The following CNTLN variants were observed in gnomAD, a reference collection of about 807,000 sequenced individuals.
The protein encoded by CNTLN is centlein.
A neutral mutation model predicts 180.0 loss-of-function variants in CNTLN; 212 were observed. That is an observed-to-expected ratio of 1.18 (90% CI 1.05 to 1.32). CNTLN has a LOEUF of 1.32. Among genes scored for constraint, CNTLN ranks in the 40% most tolerant of loss-of-function variants. The pLI is 0.00. For missense variants in CNTLN, 2,095 were observed against 1,610.9 expected, an observed-to-expected ratio of 1.30 and a Z score of -5.14; for synonymous variants, 722 against 563.1, an observed-to-expected ratio of 1.28 and a Z score of -3.99.
the CNTLN span, among the ~76,000 whole-genome samples, chr9:17,512,868 G>A: frequency 2.0e-4 from 31 of 152,286 alleles, no homozygotes; most frequent in East Asian, 6.0e-3. Flanking sequence ...CCAGGCTGGA[G>A]TGTGGTGGCG....
At chr9:17,269,139 G>T (rs1444258022) in intron 5 of CNTLN, among the ~76,000 whole-genome samples, 4 of 151,882 alleles carry the variant, frequency 2.6e-5, no homozygotes, top group Non-Finnish European at 5.9e-5. Flanking sequence ...CTCATGCTGG[G>T]AACTGTAGAC....
At chr9:17,412,554 C>T (rs1204580755) in intron 16 of CNTLN, among the ~76,000 whole-genome samples, 2 of 151,998 alleles carry the variant, frequency 1.3e-5, no homozygotes, top group South Asian at 4.1e-4. Flanking sequence ...TTTTTAATCA[C>T]TTTCAGGGCA....
chr9:17,181,234 GT>G (rs1821106063), intron 2 of CNTLN, among the ~76,000 whole-genome samples: 1 of 152,100 alleles, frequency 6.6e-6, no homozygotes, highest in Non-Finnish European at 1.5e-5. Context: ...TATTTTCCAT[GT>G]TGTTCATATT....
chr9:17,246,307 T>C (rs1477115540), intron 5 of CNTLN, among the ~76,000 whole-genome samples: 2 of 152,174 alleles, frequency 1.3e-5, no homozygotes, highest in Non-Finnish European at 2.9e-5. Flanking sequence ...CTCATAGAAA[T>C]ACTGCCTTGG....
chr9:17,518,000 C>T, the CNTLN span, among the ~76,000 whole-genome samples: 4 of 150,982 alleles, frequency 2.6e-5, no homozygotes, highest in African/African-American at 9.7e-5. Flanking sequence ...CACCTCCTAC[C>T]CCCACCTCCA....
chr9:17,409,234 A>T, intron 15 of CNTLN, 59 bp from the exon 16 acceptor site: 3 of 1,494,354 alleles, frequency 2.0e-6, no homozygotes, highest in Non-Finnish European at 2.8e-6. Context: ...TGAACTTAAG[A>T]CAAGTACATG....
chr9:17,355,835 C>T (rs978813351), intron 12 of CNTLN, among the ~76,000 whole-genome samples: 6 of 152,000 alleles, frequency 3.9e-5, no homozygotes, highest in African/African-American at 9.7e-5. Context: ...GAGGCTGAGG[C>T]GGGTGGATCA....
chr9:17,328,097 T>G (rs895911368), intron 8 of CNTLN, among the ~76,000 whole-genome samples: 2 of 152,188 alleles, frequency 1.3e-5, no homozygotes, highest in Admixed American at 1.3e-4. Context: ...TTTTGTACCT[T>G]ATGCATGTTT....
At chr9:17,354,585 AC>A (rs1420430177) in intron 12 of CNTLN, among the ~76,000 whole-genome samples, 5 of 152,042 alleles carry the variant, frequency 3.3e-5, no homozygotes, top group African/African-American at 7.2e-5. Context: ...GCCTTGGAGA[AC>A]CTGTGTGTGG....
At chr9:17,509,444 T>C in the CNTLN span, among the ~76,000 whole-genome samples, 1 of 152,188 alleles carries the variant, frequency 6.6e-6, no homozygotes, top group Non-Finnish European at 1.5e-5. Context: ...CACCATGGCA[T>C]TGCACACAGC....
At chr9:17,427,193 G>T (rs1467439058) in intron 18 of CNTLN, among the ~76,000 whole-genome samples, 1 of 152,004 alleles carries the variant, frequency 6.6e-6, no homozygotes, top group Admixed American at 6.6e-5. Context: ...CATGCAGCAG[G>T]TGCTACCGAA....
intron 12 of CNTLN, among the ~76,000 whole-genome samples, chr9:17,348,050 C>T (rs1247085134): frequency 1.3e-5 from 2 of 152,004 alleles, no homozygotes; most frequent in South Asian, 2.1e-4. Flanking sequence ...AGTCTGGTAT[C>T]GAACTCCTGA....
chr9:17,434,126 T>C (rs1020524863), intron 18 of CNTLN, among the ~76,000 whole-genome samples: 9 of 152,188 alleles, frequency 5.9e-5, no homozygotes, highest in African/African-American at 2.2e-4. Flanking sequence ...TAAGAGGATT[T>C]GTGTCTTCTT....
chr9:17,240,966 C>T (rs1190325608), intron 5 of CNTLN, among the ~76,000 whole-genome samples: 5 of 152,162 alleles, frequency 3.3e-5, no homozygotes, highest in African/African-American at 1.2e-4. Context: ...TCATGCCATT[C>T]TCCTGCCTCA....
chr9:17,472,516 T>G (rs1488006283), intron 23 of CNTLN, among the ~76,000 whole-genome samples: 1 of 152,110 alleles, frequency 6.6e-6, no homozygotes, highest in Non-Finnish European at 1.5e-5. Context: ...CATCCTCACT[T>G]CCAATGATTA....
chr9:17,397,760 C>G (rs1455926108), intron 15 of CNTLN, among the ~76,000 whole-genome samples: 2 of 152,112 alleles, frequency 1.3e-5, no homozygotes, highest in East Asian at 3.9e-4. Context: ...CACAAGGTCA[C>G]ATACTTTGAG....
chr9:17,185,770 T>TG (rs1821392592), intron 2 of CNTLN, among the ~76,000 whole-genome samples: 1 of 145,246 alleles, frequency 6.9e-6, no homozygotes. Context: ...ATGTTTCCCA[T>TG]TTGTGTGTGT....
intron 6 of CNTLN, 94 bp from the exon 7 acceptor site, chr9:17,298,096 C>G (rs746290514): frequency 4.3e-5 from 46 of 1,074,592 alleles, no homozygotes; most frequent in Non-Finnish European, 5.8e-5. Flanking sequence ...AGATGCAAAA[C>G]AGGATGCCAA....
chr9:17,416,919 GTC>G (rs35498229), intron 18 of CNTLN, among the ~76,000 whole-genome samples: 4,437 of 152,136 alleles, frequency 0.029, 212 homozygotes, highest in African/African-American at 0.1. Flanking sequence ...TTCAATCACT[GTC>G]TCACATAATT....
Sources: gnomAD v4.1 joint callset for allele counts (sites outside exome capture counted in the v4.1 genomes callset) on GRCh38, gnomAD v4.1.1 for gene constraint, MANE v1.5 for transcripts, NCBI Gene and HGNC (gene_info 2026-07-23, HGNC 2026-07-21) for gene names.